Variants in NPHP3 observed in about 807,000 individuals in gnomAD.
The protein encoded by NPHP3 is nephrocystin 3.
In NPHP3, 123 loss-of-function variants were observed where a neutral mutation model predicts 171.9. The observed-to-expected ratio is 0.72, with a 90% CI of 0.62 to 0.83. NPHP3 has a LOEUF of 0.83. Ranked by LOEUF, NPHP3 falls within the 40% of genes least tolerant of loss-of-function variation. NPHP3 has a pLI of 0.00. For missense variants in NPHP3, 1,506 were observed against 1,591.9 expected (o/e 0.95, Z 0.92); for synonymous variants, 558 against 579.2 (o/e 0.96, Z 0.52).
Position 132,681,010 on chromosome 3 carries a change from G to C in NPHP3, c.*900C>G, listed in dbSNP as rs1939011698. Reference sequence around the variant, plus strand: ...TAATAAATAATACACAATGTAGACAGAACAGAAAGCAGAGGGACTGGACCA... The same window carrying C: ...TAATAAATAATACACAATGTAGACACAACAGAAAGCAGAGGGACTGGACCA... On this transcript the variant is annotated 3_prime_UTR_variant, in exon 27 of 27. Coordinates refer to ENST00000337331, the MANE Select transcript of NPHP3 (RefSeq NM_153240.5). 6.6e-6 allele frequency: 1 copy of C among 152,160 alleles called. No individual in the cohort carries two copies. The highest frequency in any genetic ancestry group is 1.5e-5 in the Non-Finnish European group (1 of 68,016). 9.4% of individuals were successfully genotyped at this position (152,160 alleles called of 1,614,324 possible). A position where few individuals can be genotyped will look rare whatever the true frequency, so the allele number is the denominator to read the frequency against.
At position 132,700,414 on chromosome 3, in the gene NPHP3, G is replaced by C. The variant is rs1939575236; in HGVS notation, c.1663C>G (p.Leu555Val). ...QLQQKNSPNT[L>V]ILSHFVGRPM... is the part of the protein sequence containing the mutation. The stretch of plus-strand genomic sequence containing the variant: ...CTTCCCACAAAATGGGAAAGAATCA[G>C]TGTGTTGGGGGAATTCTTCTGTTGT... Residue 555 changes from leucine (L) to valine (V), a missense_variant, in exon 11 of 27, where the codon CTG becomes GTG. This residue lies in a region of NPHP3 where 930 missense variants were observed against 924.9 expected (regional missense o/e 1.01). Coordinates refer to ENST00000337331, the MANE Select transcript of NPHP3 (RefSeq NM_153240.5). The C allele has an allele frequency of 6.2e-7, 1 of 1,612,276 alleles. No homozygotes were observed.
chr3:132,690,064 T>C (rs1939260544), intron 19 of NPHP3, among the ~76,000 whole-genome samples: 1 of 152,176 alleles, frequency 6.6e-6, no homozygotes, highest in African/African-American at 2.4e-5. Flanking sequence ...ACAAACAGAA[T>C]ACATTTTTGA....
At chr3:132,687,287 A>C in intron 21 of NPHP3, 61 bp from the exon 22 acceptor site, 1 of 767,262 alleles carries the variant, frequency 1.3e-6, no homozygotes, top group Admixed American at 2.0e-5. Flanking sequence ...ACTTCAGTGA[A>C]ATGAAAGCAC....
At chr3:132,701,894 CG>C (rs1560009203) in intron 9 of NPHP3, among the ~76,000 whole-genome samples, 1 of 152,082 alleles carries the variant, frequency 6.6e-6, no homozygotes, top group Non-Finnish European at 1.5e-5. Context: ...AGCGTGGTGG[CG>C]GGCGCCTGTA....
intron 7 of NPHP3, among the ~76,000 whole-genome samples, chr3:132,707,061 A>G (rs1291787451): frequency 6.6e-6 from 1 of 152,200 alleles, no homozygotes; most frequent in African/African-American, 2.4e-5. Context: ...TAAAAATCCT[A>G]GAGTTGTTTT....
In NPHP3 at chr3:132,691,198, T is replaced by C; in HGVS notation, c.2564A>G (p.Gln855Arg). The change falls in exon 18 of 27, where the codon CAG becomes CGG. Residue 855 changes from glutamine (Q) to arginine (R), a missense_variant. This residue lies in a region of NPHP3 where 569 missense variants were observed against 648.1 expected (regional missense o/e 0.88). Coordinates refer to ENST00000337331, the MANE Select transcript of NPHP3 (RefSeq NM_153240.5). ...ACAGGAACATTTACAATACCTTAGC[T>C]GCAAGGTGAAATAGTTGATTAGCTT... ...RQKLINYFTLQLSQDRVTWRS... is the reference protein window; with the variant it reads ...RQKLINYFTLRLSQDRVTWRS... 1.2e-6 allele frequency: 2 copies of C among 1,610,262 alleles called. No homozygotes were observed. Among genetic ancestry groups the C allele is most frequent in the Non-Finnish European group, 1.7e-6 (2 of 1,176,630 alleles).
chr3:132,689,273 C>T lies in NPHP3; in HGVS notation c.2694-10G>A. 1 of 1,613,708 alleles carries T rather than the reference C, an allele frequency of 6.2e-7. No individual in the cohort carries two copies. Among genetic ancestry groups the T allele is most frequent in the Non-Finnish European group, 8.5e-7 (1 of 1,179,600 alleles). ...CTCAGCAAAGTGTCCCCTGTTTCAA[C>T]AAATAACAGTACTTTAATGAAAAAC... On this transcript the variant is annotated splice_polypyrimidine_tract_variant and intron_variant, in intron 19 of 26. Coordinates refer to ENST00000337331, the MANE Select transcript of NPHP3 (RefSeq NM_153240.5).
At position 132,692,718 on chromosome 3, in the gene NPHP3, T is replaced by C. The variant is rs1576666127; in HGVS notation, c.2411A>G (p.His804Arg). The C allele has an allele frequency of 6.2e-7, 1 of 1,614,012 alleles. No individual in the cohort carries two copies. Among genetic ancestry groups the C allele is most frequent in the East Asian group, 2.2e-5 (1 of 44,834 alleles). The change falls in exon 17 of 27, where the codon CAC becomes CGC. Residue 804 changes from histidine (H) to arginine (R), a missense_variant. His to Arg is a conservative substitution (Grantham distance 29). This residue lies in a region of NPHP3 where 569 missense variants were observed against 648.1 expected (regional missense o/e 0.88). Transcript: ENST00000337331. ...MSWTFLTSLI[H>R]SLYKMCLLTY... ...CAACAAACACATTTTGTATAAACTG[T>C]GAATAAGGGAGGTCAAGAAAGTCCA...
chr3:132,712,244 C>T (rs968031790), intron 6 of NPHP3, among the ~76,000 whole-genome samples: 1 of 152,190 alleles, frequency 6.6e-6, no homozygotes, highest in African/African-American at 2.4e-5. Flanking sequence ...TCAACACCTA[C>T]ACAAGTGATC....
Position 132,722,216 on chromosome 3 carries a change from C to T in NPHP3, c.140G>A (p.Arg47Gln), listed in dbSNP as rs1195739416. The change falls in exon 1 of 27, where the codon CGA becomes CAA. Residue 47 changes from arginine (R) to glutamine (Q), a missense_variant. Physicochemically the swap from Arg to Gln is conservative, Grantham distance 43. Coordinates refer to ENST00000337331, the MANE Select transcript of NPHP3 (RefSeq NM_153240.5). ...KARLLRNSFR[R>Q]GAGAAAGAGP... The stretch of plus-strand genomic sequence containing the variant: ...GGCCCCTGCTGCCGCCCCCGCGCCT[C>T]GGCGGAACGAGTTGCGCAGCAGGCG... 6.5e-7 allele frequency: 1 copy of T among 1,535,440 alleles called. No homozygotes were observed. The highest frequency in any genetic ancestry group is 1.2e-5 in the South Asian group (1 of 83,754).
In NPHP3 at chr3:132,691,193, T is replaced by C; in HGVS notation, c.2569A>G (p.Ser857Gly). The stretch of plus-strand genomic sequence containing the variant: ...GAACAACAGGAACATTTACAATACC[T>C]TAGCTGCAAGGTGAAATAGTTGATT... Reference protein sequence around the residue: ...KLINYFTLQLSQDRVTWRSAD... With the variant: ...KLINYFTLQLGQDRVTWRSAD... Residue 857 changes from serine (S) to glycine (G), a missense_variant and splice_region_variant, in exon 18 of 27, where the codon AGT (serine) becomes GGT (glycine). Around this residue, in one of 3 missense-constraint regions of NPHP3, gnomAD observed 569 missense variants for 648.1 expected, o/e 0.88. Coordinates refer to ENST00000337331, the MANE Select transcript of NPHP3 (RefSeq NM_153240.5). The C allele has an allele frequency of 6.2e-7, 1 of 1,609,064 alleles. No individual in the cohort carries two copies. The highest frequency in any genetic ancestry group is 2.2e-5 in the East Asian group (1 of 44,726).
In NPHP3 at chr3:132,686,767, T is replaced by C. The variant is rs113397477; in HGVS notation, c.3202-380A>G. Among the ~76,000 whole-genome samples, 181 of 152,306 alleles carry C rather than the reference T, an allele frequency of 1.2e-3. 1 individual carries two copies. The highest frequency in any genetic ancestry group is 3.7e-3 in the African/African-American group (155 of 41,578). Reference sequence around the variant, plus strand: ...ATTAAAGAAATATGCTACATTTAGATTTTATCAGCAACTTAAAAAAATTAA... The same window carrying C: ...ATTAAAGAAATATGCTACATTTAGACTTTATCAGCAACTTAAAAAAATTAA... On this transcript the variant is annotated intron_variant, in intron 22 of 26. Coordinates refer to ENST00000337331, the MANE Select transcript of NPHP3 (RefSeq NM_153240.5).
rs772613405 is a variant in NPHP3 at position 132,694,874 on chromosome 3, T to C, written c.2263A>G (p.Ile755Val). The change falls in exon 16 of 27, where the codon ATC (isoleucine) becomes GTC (valine). Residue 755 changes from isoleucine to valine, a missense_variant. Transcript: ENST00000337331. Reference sequence around the variant, plus strand: ...ACATCATTTGCCATGGACTCCCGGATAGAGTGCAGAACAAGTCTATATAAT... The same window carrying C: ...ACATCATTTGCCATGGACTCCCGGACAGAGTGCAGAACAAGTCTATATAAT... ...LSLYRLVLHSIRESMANDVDK... is the reference protein window; with the variant it reads ...LSLYRLVLHSVRESMANDVDK... 5 of 1,613,682 alleles carry C rather than the reference T, an allele frequency of 3.1e-6. No individual in the cohort carries two copies. The highest frequency in any genetic ancestry group is 4.5e-5 in the East Asian group (2 of 44,858).
chr3:132,709,359 C>T (rs549199211), intron 6 of NPHP3, among the ~76,000 whole-genome samples: 5 of 147,620 alleles, frequency 3.4e-5, no homozygotes, highest in Admixed American at 6.8e-5. Context: ...CACAGCTCAC[C>T]GCAGCTTTAA....
intron 3 of NPHP3, among the ~76,000 whole-genome samples, chr3:132,717,752 C>CTTTTTTTTTTT (rs959757847): frequency 1.2e-4 from 10 of 81,260 alleles, no homozygotes; most frequent in Non-Finnish European, 1.8e-4. Flanking sequence ...CATTAAGAAT[C>CTTTTTTTTTTT]TTTTTTTTTT....
intron 24 of NPHP3, among the ~76,000 whole-genome samples, chr3:132,684,142 G>A (rs1008177566): frequency 1.3e-5 from 2 of 152,120 alleles, no homozygotes; most frequent in Non-Finnish European, 2.9e-5. Flanking sequence ...AAGAAAGAAC[G>A]AAATAAAAAT....
chr3:132,686,301 G>C lies in NPHP3; in HGVS notation c.3288C>G (p.Leu1096=). The change falls in exon 23 of 27, where the codon CTC becomes CTG. Residue 1096 remains leucine, a synonymous_variant. Coordinates refer to ENST00000337331, the MANE Select transcript of NPHP3 (RefSeq NM_153240.5). ...GKDTPDNART[L]NELGVLYYLQ... is the part of the protein sequence containing the mutation. Reference sequence around the variant, plus strand: ...GATAGTAGAGAACACCCAGTTCATTGAGGGTCCGAGCATTATCAGGTGTGT... The same window carrying C: ...GATAGTAGAGAACACCCAGTTCATTCAGGGTCCGAGCATTATCAGGTGTGT... 1 of 1,613,908 alleles carries C rather than the reference G, an allele frequency of 6.2e-7. No individual in the cohort carries two copies. Among genetic ancestry groups the C allele is most frequent in the Non-Finnish European group, 8.5e-7 (1 of 1,179,830 alleles).
rs551544144 is a variant in NPHP3 at position 132,682,212 on chromosome 3, T to C, written c.3813-122A>G. The C allele has an allele frequency of 1.8e-3, 1,507 of 847,722 alleles. 2 individuals carry two copies. The highest frequency in any genetic ancestry group is 3.0e-3 in the Middle Eastern group (9 of 3,004). 52.5% of individuals were successfully genotyped at this position (847,722 alleles called of 1,614,324 possible). A position where few individuals can be genotyped will look rare whatever the true frequency, so the allele number is the denominator to read the frequency against. On this transcript the variant is annotated intron_variant, in intron 26 of 26. Transcript: ENST00000337331. ...TTGCCCATTTCCCCTCTTTTTCCAG[T>C]GTATTCACTCAAGCAGACCAGTAAA...
chr3:132,722,256 C>A lies in NPHP3; in HGVS notation c.100G>T (p.Val34Leu). The A allele has an allele frequency of 1.3e-6, 2 of 1,575,940 alleles. No homozygotes were observed. The highest frequency in any genetic ancestry group is 1.7e-6 in the Non-Finnish European group (2 of 1,170,232). The change falls in exon 1 of 27, where the codon GTG (valine) becomes TTG (leucine). Residue 34 changes from valine to leucine, a missense_variant. Transcript: ENST00000337331. ...GGEACEIPVE[V>L]KPKARLLRNS... ...CGCAGCAGGCGGGCCTTGGGCTTCA[C>A]CTCCACCGGGATCTCGCAGGCCTCG...
Sources: allele counts gnomAD v4.1 joint callset (sites outside exome capture counted in the v4.1 genomes callset), GRCh38; gene constraint gnomAD v4.1.1; regional missense constraint gnomAD v4.1.1; transcripts MANE v1.5; gene names NCBI Gene and HGNC (gene_info 2026-07-23, HGNC 2026-07-21).